Variants in TENM2 observed in about 807,000 individuals in gnomAD.
TENM2 encodes teneurin-2.
Under a neutral mutation model 245.2 loss-of-function variants are expected in TENM2, and 52 were observed. That is an observed-to-expected ratio of 0.21 (90% CI 0.17 to 0.27). The LOEUF is 0.27. Ranked by LOEUF, TENM2 falls within the 10% of genes least tolerant of loss-of-function variation. The probability of loss-of-function intolerance (pLI) is 1.00; values close to 1 mark genes in which losing one functional copy is unlikely to be tolerated. For missense variants in TENM2, 3,046 were observed against 3,666.8 expected (o/e 0.83, Z 4.37); for synonymous variants, 1,363 against 1,438.9 (o/e 0.95, Z 1.19).
the TENM2 span, among the ~76,000 whole-genome samples, chr5:167,259,546 C>G: frequency 6.6e-6 from 1 of 152,102 alleles, no homozygotes; most frequent in South Asian, 2.1e-4. Flanking sequence ...CATTCTGTCT[C>G]CAAAACTCAA....
intron 2 of TENM2, among the ~76,000 whole-genome samples, chr5:167,498,512 C>G (rs1768959604): frequency 6.6e-6 from 1 of 152,134 alleles, no homozygotes; most frequent in Non-Finnish European, 1.5e-5. Flanking sequence ...TCTCATCCCT[C>G]TACTTGAGGC....
intron 6 of TENM2, among the ~76,000 whole-genome samples, chr5:168,061,288 G>A (rs1179568523): frequency 1.3e-5 from 2 of 152,126 alleles, no homozygotes; most frequent in Non-Finnish European, 2.9e-5. Context: ...TTGGGCAACT[G>A]CTAGTCACGC....
intron 3 of TENM2, among the ~76,000 whole-genome samples, chr5:167,902,425 C>G (rs929724409): frequency 6.6e-6 from 1 of 152,140 alleles, no homozygotes; most frequent in African/African-American, 2.4e-5. Context: ...TTTTAATTAC[C>G]TTACTCTTCT....
chr5:168,235,322 T>C (rs757926096), intron 25 of TENM2, among the ~76,000 whole-genome samples: 3 of 152,222 alleles, frequency 2.0e-5, no homozygotes, highest in Non-Finnish European at 2.9e-5. Context: ...AAATTTAATA[T>C]TAGTTTAAAT....
At chr5:167,358,070 C>G (rs887297610) in intron 1 of TENM2, among the ~76,000 whole-genome samples, 3 of 152,198 alleles carry the variant, frequency 2.0e-5, no homozygotes, top group Non-Finnish European at 4.4e-5. Flanking sequence ...ATGAACCATT[C>G]TTTGATTCCT....
chr5:167,564,779 A>G (rs529342816), intron 2 of TENM2, among the ~76,000 whole-genome samples: 1 of 152,274 alleles, frequency 6.6e-6, no homozygotes, highest in African/African-American at 2.4e-5. Flanking sequence ...AGGCCAGAAA[A>G]GGCTTTCTTT....
intron 2 of TENM2, among the ~76,000 whole-genome samples, chr5:167,446,764 TA>T (rs1765234284): frequency 6.7e-6 from 1 of 149,816 alleles, no homozygotes; most frequent in South Asian, 2.1e-4. Flanking sequence ...CTTAATTTTT[TA>T]CTCACCCCAT....
At chr5:167,444,611 A>G (rs964524011) in intron 2 of TENM2, among the ~76,000 whole-genome samples, 10 of 152,158 alleles carry the variant, frequency 6.6e-5, no homozygotes, top group Non-Finnish European at 1.3e-4. Flanking sequence ...ATAAAACCAG[A>G]TTCCTCTTCC....
At chr5:168,062,309 ACGT>A in intron 7 of TENM2, 44 bp downstream of exon 9, 1 of 1,509,582 alleles carries the variant, frequency 6.6e-7, no homozygotes, top group Non-Finnish European at 9.2e-7. Flanking sequence ...AAAAATATAT[ACGT>A]ATATATGTGT....
intron 5 of TENM2, among the ~76,000 whole-genome samples, chr5:168,021,255 G>C (rs1273801952): frequency 6.6e-6 from 1 of 152,200 alleles, no homozygotes; most frequent in Non-Finnish European, 1.5e-5. Flanking sequence ...TAGGCATGAG[G>C]GCACTGGTTT....
At chr5:167,851,578 C>T (rs534290801) in intron 2 of TENM2, among the ~76,000 whole-genome samples, 1 of 152,240 alleles carries the variant, frequency 6.6e-6, no homozygotes, top group South Asian at 2.1e-4. Context: ...AATACCAGAG[C>T]CCGAGGGTAG....
intron 2 of TENM2, among the ~76,000 whole-genome samples, chr5:167,387,167 C>A (rs751251700): frequency 6.6e-6 from 1 of 152,118 alleles, no homozygotes. Flanking sequence ...TTGTTTGTGT[C>A]GCCTATGATT....
Position 168,169,758 on chromosome 5 carries a change from T to C in TENM2, c.2569+7001T>C, listed in dbSNP as rs142679451. ...GACACAAAGCTTGGTGAACCCACTGTAAATGCCTTGATTAATGTATCCCAA... is the reference window on the plus strand; with the variant it reads ...GACACAAAGCTTGGTGAACCCACTGCAAATGCCTTGATTAATGTATCCCAA... On this transcript the variant is annotated intron_variant, in intron 13 of 28. Coordinates refer to ENST00000518659, the Ensembl canonical transcript of TENM2. Among the ~76,000 whole-genome samples, 987 of 152,354 alleles carry C rather than the reference T, an allele frequency of 6.5e-3. 14 individuals carry two copies. The highest frequency in any genetic ancestry group is 0.023 in the African/African-American group (943 of 41,580).
At chr5:167,943,613 G>A (rs1023007437) in intron 3 of TENM2, among the ~76,000 whole-genome samples, 1 of 152,144 alleles carries the variant, frequency 6.6e-6, no homozygotes, top group Non-Finnish European at 1.5e-5. Flanking sequence ...TATGTGATGA[G>A]CTGGAATGAG....
rs913765982 is a variant in TENM2, at chr5:167,631,790, C to T, written c.503-244196C>T. ...AAGCCCTCCCTGACCCCTCGACTCC[C>T]CACCCTCAGGCAAGGCTAGGACACC... is the stretch of plus-strand genomic sequence containing the variant. On this transcript the variant is annotated intron_variant, in intron 2 of 28. Coordinates refer to ENST00000518659, the Ensembl canonical transcript of TENM2. 4.6e-5 allele frequency among the ~76,000 whole-genome samples: 7 copies of T among 152,140 alleles called. No homozygotes were observed. The South Asian group carries it at 8.3e-4, about 18-fold the overall frequency.
In TENM2 at chr5:168,248,218, C is replaced by G. The variant is rs1200326933; in HGVS notation, c.7279C>G (p.Gln2427Glu). ...CCTGACCAAGCTGGTCCACTTCACT[C>G]AGCGTGATTATGATGTGCTGGCAGG... The change falls in exon 27 of 29, where the codon CAG (glutamine) becomes GAG (glutamate). Residue 2427 changes from glutamine to glutamate, a missense_variant. This residue lies in a region of TENM2 where 2,704 missense variants were observed against 3,331.9 expected (regional missense o/e 0.81). Coordinates refer to ENST00000518659, the Ensembl canonical transcript of TENM2. 7.4e-6 allele frequency: 12 copies of G among 1,613,900 alleles called. No individual in the cohort carries two copies. Among genetic ancestry groups the G allele is most frequent in the Non-Finnish European group, 8.5e-6 (10 of 1,179,904 alleles).
intron 10 of TENM2, 43 bp downstream of exon 12, chr5:168,118,529 C>G (rs745594276): frequency 1.4e-5 from 20 of 1,440,326 alleles, no homozygotes; most frequent in Non-Finnish European, 1.8e-5. Flanking sequence ...TGGAGGGAGG[C>G]GTTTGCAGGG....
the TENM2 span, among the ~76,000 whole-genome samples, chr5:167,256,782 G>A: frequency 4.0e-3 from 604 of 152,148 alleles, 2 homozygotes; most frequent in African/African-American, 0.013. Context: ...TGGAAAGAAA[G>A]AAGAAATTTA....
chr5:168,032,703 C>A (rs935346792), intron 5 of TENM2, among the ~76,000 whole-genome samples: 17 of 152,096 alleles, frequency 1.1e-4, no homozygotes, highest in African/African-American at 4.1e-4. Flanking sequence ...TTTTTTACAG[C>A]TAGAAATAAT....
Sources: allele counts gnomAD v4.1 joint callset (sites outside exome capture counted in the v4.1 genomes callset), GRCh38; gene constraint gnomAD v4.1.1; regional missense constraint gnomAD v4.1.1; transcripts MANE v1.5; gene names NCBI Gene and HGNC (gene_info 2026-07-23, HGNC 2026-07-21).